The following ZNG1C variants were observed in gnomAD, a reference collection of about 807,000 sequenced individuals.
The protein encoded by ZNG1C is Zn regulated GTPase metalloprotein activator 1C.
chr9:68,290,906 A>C, the ZNG1C span, among the ~76,000 whole-genome samples: 6 of 151,356 alleles, frequency 4.0e-5, no homozygotes, highest in Admixed American at 2.0e-4. Context: ...CATGCACTGC[A>C]TAACAGCGTT....
the ZNG1C span, among the ~76,000 whole-genome samples, chr9:68,256,096 A>G: frequency 6.6e-6 from 1 of 152,292 alleles, no homozygotes; most frequent in Admixed American, 6.5e-5. Flanking sequence ...TTGGGGGACC[A>G]CATCTTGTCA....
the ZNG1C span, among the ~76,000 whole-genome samples, chr9:68,281,069 G>T: frequency 5.9e-5 from 8 of 135,766 alleles, no homozygotes; most frequent in Admixed American, 3.0e-4. Context: ...TCAGAAAAGC[G>T]CAGTATTCGG....
chr9:68,293,979 A>C, the ZNG1C span, among the ~76,000 whole-genome samples: 2 of 149,636 alleles, frequency 1.3e-5, no homozygotes, highest in Non-Finnish European at 3.0e-5. Flanking sequence ...AAATTATATC[A>C]AGCACTTTCT....
At chr9:68,260,166 G>A in the ZNG1C span, among the ~76,000 whole-genome samples, 9 of 150,698 alleles carry the variant, frequency 6.0e-5, no homozygotes, top group African/African-American at 9.8e-5. Flanking sequence ...GTTTATTATA[G>A]GCATGTTTGA....
At chr9:68,271,872 A>G in the ZNG1C span, among the ~76,000 whole-genome samples, 2 of 151,280 alleles carry the variant, frequency 1.3e-5, no homozygotes, top group African/African-American at 4.8e-5. Context: ...TATAGGAAAT[A>G]CAGGAAGGAG....
the ZNG1C span, among the ~76,000 whole-genome samples, chr9:68,258,084 T>C: frequency 9.9e-5 from 4 of 40,380 alleles, 1 homozygote; most frequent in East Asian, 1.1e-3. Flanking sequence ...TTAGGAATGA[T>C]ACCTTAAGAT....
At chr9:68,294,795 A>G in the ZNG1C span, among the ~76,000 whole-genome samples, 2 of 151,134 alleles carry the variant, frequency 1.3e-5, no homozygotes, top group Non-Finnish European at 3.0e-5. Flanking sequence ...TCCCTAAATC[A>G]TTCTATGAAG....
the ZNG1C span, among the ~76,000 whole-genome samples, chr9:68,288,682 A>G: frequency 3.0e-5 from 3 of 101,006 alleles, no homozygotes; most frequent in African/African-American, 4.2e-5. Context: ...TTTAGTAAAG[A>G]TGGGGTTTCA....
chr9:68,275,523 T>C, the ZNG1C span, among the ~76,000 whole-genome samples: 1 of 129,066 alleles, frequency 7.7e-6, no homozygotes, highest in Admixed American at 8.4e-5. Context: ...CCCCTTCCTG[T>C]GTCCATGTGT....
chr9:68,290,192 C>G, the ZNG1C span, among the ~76,000 whole-genome samples: 1 of 143,332 alleles, frequency 7.0e-6, no homozygotes, highest in East Asian at 2.0e-4. Flanking sequence ...TTTTTAAAGC[C>G]TTTTTTGTCT....
At chr9:68,268,357 G>A in the ZNG1C span, among the ~76,000 whole-genome samples, 1 of 152,168 alleles carries the variant, frequency 6.6e-6, no homozygotes, top group African/African-American at 2.4e-5. Flanking sequence ...ATATTCTATA[G>A]TATCAAAAGA....
At chr9:68,256,600 G>T in the ZNG1C span, among the ~76,000 whole-genome samples, 1 of 111,940 alleles carries the variant, frequency 8.9e-6, no homozygotes, top group African/African-American at 3.5e-5. Flanking sequence ...AAGCCATACT[G>T]CTCAAATTGT....
the ZNG1C span, among the ~76,000 whole-genome samples, chr9:68,246,133 G>GT: frequency 4.8e-5 from 7 of 144,408 alleles, no homozygotes; most frequent in Non-Finnish European, 6.1e-5. Context: ...TTAAACTGTA[G>GT]TAAAAAAAAA....
chr9:68,276,046 G>C, the ZNG1C span, among the ~76,000 whole-genome samples: 1 of 152,090 alleles, frequency 6.6e-6, no homozygotes, highest in African/African-American at 2.4e-5. Flanking sequence ...GCATTTCTCT[G>C]ATGGCCAGTG....
chr9:68,271,942 GTT>G, the ZNG1C span, among the ~76,000 whole-genome samples: 1 of 150,248 alleles, frequency 6.7e-6, no homozygotes, highest in East Asian at 1.9e-4. Context: ...TTTTGTAAAC[GTT>G]TTTGAGTTTG....
At chr9:68,296,298 A>G in the ZNG1C span, among the ~76,000 whole-genome samples, 82 of 150,656 alleles carry the variant, frequency 5.4e-4, no homozygotes, top group African/African-American at 1.9e-3. Flanking sequence ...TGACACAATA[A>G]ACTTTGGGGA....
At chr9:68,290,889 G>A in the ZNG1C span, among the ~76,000 whole-genome samples, 1 of 150,474 alleles carries the variant, frequency 6.6e-6, no homozygotes, top group Non-Finnish European at 1.5e-5. Flanking sequence ...TTAAAAATAA[G>A]TATAGTCATG....
the ZNG1C span, among the ~76,000 whole-genome samples, chr9:68,247,317 G>GA: frequency 1.5e-4 from 20 of 136,960 alleles, no homozygotes; most frequent in Non-Finnish European, 2.4e-4. Context: ...CCCTGGACAA[G>GA]AAAAAAATGC....
At chr9:68,244,600 T>C in the ZNG1C span, among the ~76,000 whole-genome samples, 1 of 139,324 alleles carries the variant, frequency 7.2e-6, no homozygotes, top group African/African-American at 2.8e-5. Context: ...AAAAAAAAGA[T>C]AAAGAAATGA....
Sources: gnomAD v4.1 joint callset for allele counts (sites outside exome capture counted in the v4.1 genomes callset) on GRCh38, gnomAD v4.1.1 for gene constraint, MANE v1.5 for transcripts, NCBI Gene and HGNC (gene_info 2026-07-23, HGNC 2026-07-21) for gene names.